CLHC1: variants seen among roughly 807,000 people sequenced by gnomAD.
CLHC1 encodes the protein clathrin heavy chain linker domain-containing protein 1.
Under a neutral mutation model 69.5 loss-of-function variants are expected in CLHC1, and 72 were observed. That is an observed-to-expected ratio of 1.04 (90% CI 0.86 to 1.26). The LOEUF (loss-of-function observed/expected upper bound fraction) is 1.26, where lower values mean the gene tolerates loss of function less well. Ranked by LOEUF, CLHC1 falls within the 50% of genes most tolerant of loss-of-function variation. CLHC1 has a pLI of 0.00. For synonymous variants in CLHC1, 223 were observed against 224.3 expected, an observed-to-expected ratio of 0.99 and a Z score of 0.05; for missense variants, 790 against 679.3, an observed-to-expected ratio of 1.16 and a Z score of -1.81.
At chr2:55,192,782 T>C (rs1268007236) in intron 9 of CLHC1, among the ~76,000 whole-genome samples, 1 of 151,794 alleles carries the variant, frequency 6.6e-6, no homozygotes, top group Non-Finnish European at 1.5e-5. Context: ...AGCAAAAGAA[T>C]GAAACTGGAC....
chr2:55,231,470 A>C (rs1675348845), intron 1 of CLHC1, among the ~76,000 whole-genome samples: 1 of 152,194 alleles, frequency 6.6e-6, no homozygotes, highest in South Asian at 2.1e-4. Context: ...AATAACACAC[A>C]TTTACCTTTC....
intron 2 of CLHC1, among the ~76,000 whole-genome samples, chr2:55,227,342 T>C (rs1674801292): frequency 6.6e-6 from 1 of 151,592 alleles, no homozygotes; most frequent in South Asian, 2.1e-4. Context: ...TCCTTGAAGC[T>C]TATGATCTAG....
At chr2:55,180,463 A>T in intron 11 of CLHC1, 47 bp downstream of exon 11, 1 of 1,403,732 alleles carries the variant, frequency 7.1e-7, no homozygotes, top group Non-Finnish European at 1.0e-6. Flanking sequence ...TCTTACAATT[A>T]AAGCCCAGAA....
At chr2:55,207,798 A>C (rs541491586) in intron 8 of CLHC1, among the ~76,000 whole-genome samples, 5 of 152,340 alleles carry the variant, frequency 3.3e-5, no homozygotes, top group African/African-American at 7.2e-5. Context: ...AAACTTCTAC[A>C]AAAAGAGCTG....
chr2:55,179,042 T>C (rs1220305703), intron 11 of CLHC1, among the ~76,000 whole-genome samples: 1 of 149,368 alleles, frequency 6.7e-6, no homozygotes, highest in Non-Finnish European at 1.5e-5. Context: ...GATCTTCCCA[T>C]CTCAGCCTCC....
rs189001589 is a variant in CLHC1, at chr2:55,174,578, G to A, written c.*1212C>T. On this transcript the variant is annotated 3_prime_UTR_variant, in exon 13 of 13. Transcript: ENST00000401408. ...ACATTATCACTAATCCTCACAACAA[G>A]CCTAAGGAAGACTGCCCATATTTTA... Among the ~76,000 whole-genome samples, 9 of 152,188 alleles carry A rather than the reference G, an allele frequency of 5.9e-5. No individual in the cohort carries two copies. In the East Asian group the frequency reaches 1.7e-3, roughly 29 times the overall value.
chr2:55,196,507 T>C lies in CLHC1; in HGVS notation c.1006+9763A>G, dbSNP rs138062210. Among the ~76,000 whole-genome samples, 15 of 152,326 alleles carry C rather than the reference T, an allele frequency of 9.8e-5. 1 individual carries two copies. In the East Asian group the frequency reaches 2.5e-3, roughly 25 times the overall value. ...AATTTGGATACCAGCTCAGCCATAA[T>C]AGCATAGGAAACCAGGCAGAGTCAT... On this transcript the variant is annotated intron_variant, in intron 9 of 12. Transcript: ENST00000401408.
At chr2:55,176,010 A>G in intron 12 of CLHC1, 24 bp from the exon 13 acceptor site, 6 of 1,557,604 alleles carry the variant, frequency 3.9e-6, no homozygotes, top group Non-Finnish European at 5.3e-6. Context: ...ATACAATATT[A>G]TAGTATGGCA....
chr2:55,181,883 A>T, intron 9 of CLHC1, 139 bp from the exon 10 acceptor site: 1 of 667,368 alleles, frequency 1.5e-6, no homozygotes. Context: ...TTTTTAACTC[A>T]TGCTTATAGA....
rs371657323 is a variant in CLHC1 at position 55,181,667 on chromosome 2, G to C, written c.1084C>G (p.Pro362Ala). 9.9e-6 allele frequency: 16 copies of C among 1,613,574 alleles called. No individual in the cohort carries two copies. Among genetic ancestry groups the C allele is most frequent in the African/African-American group, 4.0e-5 (3 of 74,884 alleles). Reference protein sequence around the residue: ...EALFITSHAFPCPVDAALTLE... With the variant: ...EALFITSHAFACPVDAALTLE... Reference sequence around the variant, plus strand: ...GTTAGAGCTGCATCAACAGGACATGGAAAAGCATGACTTGTGATAAAGAGG... The same window carrying C: ...GTTAGAGCTGCATCAACAGGACATGCAAAAGCATGACTTGTGATAAAGAGG... Residue 362 changes from proline (P) to alanine (A), a missense_variant, in exon 10 of 13, where the codon CCA becomes GCA. Coordinates refer to ENST00000401408, the MANE Select transcript of CLHC1 (RefSeq NM_152385.4).
At chr2:55,185,223 A>C (rs904170898) in intron 9 of CLHC1, among the ~76,000 whole-genome samples, 3 of 152,190 alleles carry the variant, frequency 2.0e-5, no homozygotes, top group Non-Finnish European at 2.9e-5. Context: ...AAAACCAAGA[A>C]GAAGCTATCC....
chr2:55,222,702 C>A (rs1211742443), intron 2 of CLHC1, among the ~76,000 whole-genome samples: 1 of 151,626 alleles, frequency 6.6e-6, no homozygotes, highest in African/African-American at 2.4e-5. Flanking sequence ...GGTGGATCAT[C>A]TGAGGTCCGG....
At chr2:55,182,545 T>C (rs1190021120) in intron 9 of CLHC1, among the ~76,000 whole-genome samples, 1 of 152,194 alleles carries the variant, frequency 6.6e-6, no homozygotes, top group African/African-American at 2.4e-5. Context: ...TACCACCATA[T>C]CTTATTTCCT....
At chr2:55,215,166 T>C (rs539660787) in intron 4 of CLHC1, 1 of 152,342 alleles carries the variant, frequency 6.6e-6, no homozygotes, top group Non-Finnish European at 1.5e-5. Context: ...TTTCTGGCAA[T>C]ATGACTGGCC....
At position 55,217,868 on chromosome 2, in the gene CLHC1, G is replaced by A. The variant is rs1214619320; in HGVS notation, c.308C>T (p.Ala103Val). ...FCLHGKLKGL[A>V]AEPTALVYYR... ...ATATACCAAAGCTGTAGGCTCTGCT[G>A]CCAAACCTTTAAGTTTTCCATGAAG... Residue 103 changes from alanine (A) to valine (V), a missense_variant, in exon 4 of 13, where the codon GCA becomes GTA. Physicochemically the swap from Ala to Val is moderately conservative, Grantham distance 64. Transcript: ENST00000401408. 1.2e-6 allele frequency: 2 copies of A among 1,606,750 alleles called. No homozygotes were observed. Among genetic ancestry groups the A allele is most frequent in the Non-Finnish European group, 1.7e-6 (2 of 1,177,192 alleles).
At chr2:55,199,579 C>T (rs1671746208) in intron 9 of CLHC1, among the ~76,000 whole-genome samples, 1 of 151,818 alleles carries the variant, frequency 6.6e-6, no homozygotes, top group Admixed American at 6.6e-5. Flanking sequence ...AATTAAAAAG[C>T]TAGGGGACAA....
rs766560089 is a variant in CLHC1, at chr2:55,180,663, G to A, written c.1231C>T (p.Gln411Ter). The change falls in exon 11 of 13, where the codon CAG (glutamine) becomes TAG (stop). Residue 411 changes from glutamine (Q) to a stop codon, truncating the protein, a stop_gained. Coordinates refer to ENST00000401408, the MANE Select transcript of CLHC1 (RefSeq NM_152385.4). LOFTEE classifies it high-confidence loss of function. ...CACTTGGCCTTGTTATAAGTATCCT[G>A]CTCCCCATAATCACAAATCACATCC... The part of the protein sequence containing the change: ...AGDVICDYGE[Q>*]DTYNKAKCLA... The A allele has an allele frequency of 6.2e-7, 1 of 1,613,796 alleles. No individual in the cohort carries two copies. Among genetic ancestry groups the A allele is most frequent in the African/African-American group, 1.3e-5 (1 of 74,866 alleles).
chr2:55,211,975 G>A (rs974991909), intron 5 of CLHC1, among the ~76,000 whole-genome samples: 10 of 152,182 alleles, frequency 6.6e-5, no homozygotes, highest in Non-Finnish European at 1.5e-4. Context: ...ACTTTAGAGT[G>A]CATCAAAAAA....
At chr2:55,195,387 G>A (rs1293339914) in intron 9 of CLHC1, among the ~76,000 whole-genome samples, 1 of 152,150 alleles carries the variant, frequency 6.6e-6, no homozygotes, top group Admixed American at 6.5e-5. Context: ...ACAAATAAAT[G>A]GAGAGATATG....
Sources: gnomAD v4.1 joint callset for allele counts (sites outside exome capture counted in the v4.1 genomes callset) on GRCh38, gnomAD v4.1.1 for gene constraint, MANE v1.5 for transcripts, NCBI Gene and HGNC (gene_info 2026-07-23, HGNC 2026-07-21) for gene names.